The following TRPM3 variants were observed in gnomAD, a reference collection of about 807,000 sequenced individuals.
TRPM3 encodes the protein transient receptor potential cation channel subfamily M member 3.
Under a neutral mutation model 181.2 loss-of-function variants are expected in TRPM3, and 77 were observed. That is an observed-to-expected ratio of 0.42 (90% CI 0.35 to 0.51). TRPM3 has a LOEUF of 0.51. Ranked by LOEUF, TRPM3 falls within the 20% of genes least tolerant of loss-of-function variation. The probability of loss-of-function intolerance (pLI) is 0.01; values close to 1 mark genes in which losing one functional copy is unlikely to be tolerated. For missense variants in TRPM3, 1,759 were observed against 2,196.7 expected (o/e 0.80, Z 3.98); for synonymous variants, 745 against 796.4 (o/e 0.94, Z 1.09).
intron 1 of TRPM3, among the ~76,000 whole-genome samples, chr9:71,347,801 T>TAATTAAAATTTTAAATTAAAACTTTTA (rs1320917743): frequency 6.6e-6 from 1 of 152,030 alleles, no homozygotes; most frequent in East Asian, 1.9e-4. Flanking sequence ...AAAATAATTT[T>TAATTAAAATTTTAAATTAAAACTTTTA]AATTAAAATT....
intron 1 of TRPM3, among the ~76,000 whole-genome samples, chr9:71,399,755 T>A (rs2093298063): frequency 6.6e-6 from 1 of 152,162 alleles, no homozygotes; most frequent in South Asian, 2.1e-4. Flanking sequence ...ATGGTCTTGA[T>A]CTCCTGACCT....
At chr9:70,624,861 A>T (rs2064254338) in intron 14 of TRPM3, among the ~76,000 whole-genome samples, 1 of 152,202 alleles carries the variant, frequency 6.6e-6, no homozygotes, top group South Asian at 2.1e-4. Context: ...CCTATGTTTA[A>T]CTTAAAATGG....
chr9:70,689,518 C>T (rs2067899928), intron 8 of TRPM3, among the ~76,000 whole-genome samples: 1 of 86,626 alleles, frequency 1.2e-5, no homozygotes, highest in Non-Finnish European at 2.3e-5. Flanking sequence ...CACTAAATTA[C>T]TTTAAAAAAA....
intron 22 of TRPM3, among the ~76,000 whole-genome samples, chr9:70,584,950 C>T (rs951798521): frequency 3.9e-5 from 6 of 152,172 alleles, no homozygotes; most frequent in Non-Finnish European, 8.8e-5. Flanking sequence ...CACAACTTAT[C>T]TATGCAAATA....
chr9:70,787,643 C>T (rs2083993277), intron 6 of TRPM3, among the ~76,000 whole-genome samples: 1 of 152,100 alleles, frequency 6.6e-6, no homozygotes, highest in East Asian at 1.9e-4. Flanking sequence ...AGTCTGTAGC[C>T]TATTCTTAGA....
chr9:70,777,984 CAG>C (rs1281997392), intron 7 of TRPM3, among the ~76,000 whole-genome samples: 3 of 147,912 alleles, frequency 2.0e-5, no homozygotes, highest in South Asian at 2.1e-4. Flanking sequence ...ATAAATTTAA[CAG>C]ACACAGACAC....
chr9:71,205,130 G>A (rs1434487680), intron 1 of TRPM3, among the ~76,000 whole-genome samples: 1 of 151,896 alleles, frequency 6.6e-6, no homozygotes, highest in Admixed American at 6.6e-5. Context: ...GAGTTAATGG[G>A]TGCAGCACAC....
At chr9:70,626,624 C>A (rs924539815) in intron 12 of TRPM3, among the ~76,000 whole-genome samples, 10 of 152,182 alleles carry the variant, frequency 6.6e-5, no homozygotes, top group Admixed American at 1.3e-4. Context: ...CCTTTCCTAG[C>A]TCCTCAGGTG....
intron 1 of TRPM3, among the ~76,000 whole-genome samples, chr9:71,328,842 T>C (rs558350878): frequency 6.6e-6 from 1 of 152,370 alleles, no homozygotes; most frequent in African/African-American, 2.4e-5. Context: ...ATTCGTATTA[T>C]AACTGCTACC....
At chr9:70,945,001 C>T (rs996724180) in intron 1 of TRPM3, among the ~76,000 whole-genome samples, 25 of 152,104 alleles carry the variant, frequency 1.6e-4, no homozygotes, top group Non-Finnish European at 3.2e-4. Context: ...GAAGCAAGTG[C>T]TGTCATTCTT....
At chr9:70,797,005 C>T (rs1010282852) in intron 6 of TRPM3, among the ~76,000 whole-genome samples, 2 of 152,026 alleles carry the variant, frequency 1.3e-5, no homozygotes, top group Non-Finnish European at 2.9e-5. Flanking sequence ...TGGTATATAC[C>T]TTTAGTCCCA....
At chr9:71,005,157 C>A (rs2097660063) in intron 1 of TRPM3, among the ~76,000 whole-genome samples, 2 of 152,010 alleles carry the variant, frequency 1.3e-5, no homozygotes, top group African/African-American at 4.8e-5. Context: ...GCCTGTAATC[C>A]AGTACTTAGG....
chr9:71,026,444 C>T (rs2056510118), intron 1 of TRPM3, among the ~76,000 whole-genome samples: 1 of 152,200 alleles, frequency 6.6e-6, no homozygotes, highest in Non-Finnish European at 1.5e-5. Context: ...ACCAGCCTGC[C>T]CATTCCCTCT....
chr9:71,275,099 A>T (rs1504382), intron 1 of TRPM3, among the ~76,000 whole-genome samples: 76,597 of 152,014 alleles, frequency 0.5, 19,394 homozygotes, highest in African/African-American at 0.56. Flanking sequence ...ATTACAAAAG[A>T]AGCAGCAAAA....
At chr9:70,862,629 G>T (rs562283401) in intron 3 of TRPM3, among the ~76,000 whole-genome samples, 1 of 152,072 alleles carries the variant, frequency 6.6e-6, no homozygotes, top group Admixed American at 6.6e-5. Flanking sequence ...ACTATAGAAA[G>T]CTATTTTAAA....
intron 1 of TRPM3, among the ~76,000 whole-genome samples, chr9:71,251,786 A>G (rs2082355590): frequency 6.6e-6 from 1 of 152,152 alleles, no homozygotes; most frequent in Admixed American, 6.6e-5. Flanking sequence ...CTGTTGTGCT[A>G]TAATAGGTCT....
intron 22 of TRPM3, among the ~76,000 whole-genome samples, chr9:70,585,099 T>C (rs1418245943): frequency 6.6e-6 from 1 of 152,212 alleles, no homozygotes; most frequent in Non-Finnish European, 1.5e-5. Context: ...CTGATACATA[T>C]ACAGCATTTC....
intron 6 of TRPM3, among the ~76,000 whole-genome samples, chr9:70,791,286 T>C (rs994758856): frequency 1.1e-4 from 16 of 152,190 alleles, no homozygotes; most frequent in Admixed American, 4.6e-4. Context: ...CAGGAAAGCA[T>C]TTGGAAATAG....
chr9:70,756,178 G>A (rs1039361924), intron 8 of TRPM3, among the ~76,000 whole-genome samples: 1 of 151,138 alleles, frequency 6.6e-6, no homozygotes, highest in East Asian at 1.9e-4. Context: ...AAACAAAAAA[G>A]CAGGGTTTAT....
Sources: allele counts gnomAD v4.1 joint callset (sites outside exome capture counted in the v4.1 genomes callset), GRCh38; gene constraint gnomAD v4.1.1; transcripts MANE v1.5; gene names NCBI Gene and HGNC (gene_info 2026-07-23, HGNC 2026-07-21).